Variants in RGS22 observed in about 807,000 individuals in gnomAD.
RGS22 encodes regulator of G protein signaling 22, also known as regulator of G-protein signaling 22.
A neutral mutation model predicts 172.9 loss-of-function variants in RGS22; 148 were observed. The observed-to-expected ratio is 0.86, with a 90% CI of 0.75 to 0.98. The LOEUF is 0.98. RGS22 is among the 50% of genes least tolerant of loss of function. RGS22 has a pLI of 0.00. For missense variants in RGS22, 1,347 were observed against 1,440.8 expected (o/e 0.93, Z 1.05); for synonymous variants, 458 against 480.2 (o/e 0.95, Z 0.60).
At chr8:99,988,334 ATTTAT>A (rs1813333318) in intron 20 of RGS22, among the ~76,000 whole-genome samples, 1 of 152,200 alleles carries the variant, frequency 6.6e-6, no homozygotes, top group South Asian at 2.1e-4. Context: ...TTTTATCAAC[ATTTAT>A]TTTATATCTT....
intron 7 of RGS22, among the ~76,000 whole-genome samples, chr8:100,064,727 T>C (rs527238158): frequency 7.9e-5 from 12 of 152,194 alleles, no homozygotes; most frequent in Non-Finnish European, 1.6e-4. Context: ...GGAATTAGAA[T>C]ATGTATACTA....
At chr8:100,088,461 C>T (rs1320664536) in intron 3 of RGS22, among the ~76,000 whole-genome samples, 6 of 152,078 alleles carry the variant, frequency 3.9e-5, no homozygotes, top group Non-Finnish European at 8.8e-5. Context: ...TGTTTTCACA[C>T]TATAGCACGG....
chr8:99,978,140 A>G (rs1812186893), intron 22 of RGS22, 65 bp from the exon 23 acceptor site: 2 of 885,148 alleles, frequency 2.3e-6, no homozygotes, highest in Non-Finnish European at 3.3e-6. Flanking sequence ...TCTATTCACC[A>G]TAATAACAGA....
chr8:99,978,111 C>T (rs1588891433), intron 22 of RGS22, 36 bp from the exon 23 acceptor site: 3 of 1,253,596 alleles, frequency 2.4e-6, no homozygotes, highest in South Asian at 1.7e-5. Flanking sequence ...CAATTTTATA[C>T]AAAGGTACCA....
intron 3 of RGS22, 145 bp downstream of exon 3, chr8:100,093,302 G>A: frequency 1.9e-6 from 1 of 526,122 alleles, no homozygotes; most frequent in Non-Finnish European, 3.4e-6. Context: ...GATTAACTAT[G>A]TAAAAAGATA....
At position 99,962,957 on chromosome 8, in the gene RGS22, A is replaced by G; in HGVS notation, c.3637T>C (p.Tyr1213His). ...CTCTCCTGTTCTAAGGCTTCTATAT[A>G]CTTTGAGTAGCACCAGGTTGGCTAA... ...GRQPTWCYSK[Y>H]IEALEQERIL... Residue 1213 changes from tyrosine (Y) to histidine (H), a missense_variant, in exon 25 of 28, where the codon TAT (tyrosine) becomes CAT (histidine). Tyr to His is a moderately conservative substitution (Grantham distance 83). Transcript: ENST00000360863. The G allele has an allele frequency of 6.3e-7, 1 of 1,583,744 alleles. No homozygotes were observed. Among genetic ancestry groups the G allele is most frequent in the Non-Finnish European group, 8.5e-7 (1 of 1,172,356 alleles).
At chr8:100,066,693 G>A (rs1431335827) in intron 6 of RGS22, among the ~76,000 whole-genome samples, 1 of 151,798 alleles carries the variant, frequency 6.6e-6, no homozygotes. Flanking sequence ...ATTACTTCAG[G>A]TCCCCCATTC....
chr8:99,962,641 T>A lies in RGS22; in HGVS notation c.3790+46A>T, dbSNP rs753082694. The A allele has an allele frequency of 3.9e-6, 6 of 1,556,466 alleles. No individual in the cohort carries two copies. In the South Asian group the frequency reaches 7.1e-5, roughly 19 times the overall value. ...TGGCCAGGTGAGAGGCAAAACTCCA[T>A]CAAAAAGAAAGAAACAACTGAAGAT... On this transcript the variant is annotated intron_variant, in intron 26 of 27. Coordinates refer to ENST00000360863, the MANE Select transcript of RGS22 (RefSeq NM_015668.5).
chr8:100,070,434 C>T lies in RGS22; in HGVS notation c.594+935G>A, dbSNP rs1350369980. Reference sequence around the variant, plus strand: ...TTGAGATCAAGGGACAATGGTGTGACCAATATGAAGGGTCAAGACTGAAAT... The same window carrying T: ...TTGAGATCAAGGGACAATGGTGTGATCAATATGAAGGGTCAAGACTGAAAT... On this transcript the variant is annotated intron_variant, in intron 6 of 27. Coordinates refer to ENST00000360863, the MANE Select transcript of RGS22 (RefSeq NM_015668.5). Among the ~76,000 whole-genome samples the T allele has an allele frequency of 2.0e-5, 3 of 152,166 alleles. No homozygotes were observed. In the East Asian group the frequency reaches 5.8e-4, roughly 29 times the overall value.
chr8:100,080,413 C>T (rs183195860), intron 3 of RGS22, 58 bp from the exon 4 acceptor site: 1 of 1,251,136 alleles, frequency 8.0e-7, no homozygotes, highest in East Asian at 2.5e-5. Context: ...CTCATGGTCT[C>T]TAAGAAGACT....
At chr8:99,961,450 T>C (rs1242200533) in intron 27 of RGS22, among the ~76,000 whole-genome samples, 3 of 152,146 alleles carry the variant, frequency 2.0e-5, no homozygotes, top group Admixed American at 6.5e-5. Context: ...TGAGATCTGA[T>C]GGTTTTATAA....
chr8:100,098,737 C>CCCTTT, intron 2 of RGS22, among the ~76,000 whole-genome samples: 1 of 152,022 alleles, frequency 6.6e-6, no homozygotes, highest in East Asian at 1.9e-4. Context: ...CTTTTCTCTT[C>CCCTTT]CCTTTCCTTC....
intron 14 of RGS22, among the ~76,000 whole-genome samples, chr8:100,024,384 T>C (rs996012575): frequency 6.6e-6 from 1 of 152,242 alleles, no homozygotes; most frequent in Non-Finnish European, 1.5e-5. Context: ...CTCAGCTGGC[T>C]GTCATTTCCA....
chr8:100,037,206 A>G (rs1819600640), intron 14 of RGS22, among the ~76,000 whole-genome samples: 1 of 152,152 alleles, frequency 6.6e-6, no homozygotes, highest in Non-Finnish European at 1.5e-5. Flanking sequence ...AGGCAGCAGG[A>G]TCACTTGAGC....
intron 21 of RGS22, among the ~76,000 whole-genome samples, chr8:99,986,365 CTG>C (rs1813099574): frequency 6.6e-6 from 1 of 152,140 alleles, no homozygotes; most frequent in South Asian, 2.1e-4. Flanking sequence ...CAACTACTAA[CTG>C]TATGTTGAGC....
chr8:100,040,177 T>C, intron 12 of RGS22, 90 bp from the exon 13 acceptor site: 3 of 1,164,844 alleles, frequency 2.6e-6, no homozygotes, highest in Non-Finnish European at 3.7e-6. Context: ...AACTCTACCA[T>C]GCTGTCATTT....
chr8:100,057,182 A>C (rs892039162), intron 9 of RGS22, among the ~76,000 whole-genome samples: 1 of 152,048 alleles, frequency 6.6e-6, no homozygotes, highest in African/African-American at 2.4e-5. Flanking sequence ...GTTTTGGCCA[A>C]TTTTTCCCAA....
Position 100,004,400 on chromosome 8 carries a change from A to T in RGS22, c.2455-302T>A, listed in dbSNP as rs184836795. Among the ~76,000 whole-genome samples the T allele has an allele frequency of 7.9e-5, 12 of 152,186 alleles. No homozygotes were observed. In the East Asian group the frequency reaches 1.9e-3, roughly 24 times the overall value. On this transcript the variant is annotated intron_variant, in intron 16 of 27. Transcript: ENST00000360863. ...GATATATTTTTCTAAGTATAGAAGT[A>T]AAATGTCTTTTGTAATAAGAAAATA...
chr8:100,081,362 G>GTGTA lies in RGS22; in HGVS notation c.118-1008_118-1007insTACA, dbSNP rs71572055. 1.0e-3 allele frequency among the ~76,000 whole-genome samples: 145 copies of GTGTA among 143,504 alleles called. 1 individual carries two copies. Among genetic ancestry groups the GTGTA allele is most frequent in the Middle Eastern group, 3.7e-3 (1 of 272 alleles). The allele number at this position is 143,504 out of a possible 152,430, so 94.1% of individuals were successfully genotyped here. A position where few individuals can be genotyped will look rare whatever the true frequency, so the allele number is the denominator to read the frequency against. On this transcript the variant is annotated intron_variant, in intron 3 of 27. Coordinates refer to ENST00000360863, the MANE Select transcript of RGS22 (RefSeq NM_015668.5). ...TATGTGTATATATGTGTGCGTGTAT[G>GTGTA]TATATATATATATATATATATTTAA...
Sources: gnomAD v4.1 joint callset for allele counts (sites outside exome capture counted in the v4.1 genomes callset) on GRCh38, gnomAD v4.1.1 for gene constraint, MANE v1.5 for transcripts, NCBI Gene and HGNC (gene_info 2026-07-23, HGNC 2026-07-21) for gene names.